TAS2R1: variants seen among roughly 807,000 people sequenced by gnomAD.
TAS2R1 encodes the protein taste 2 receptor member 1.
For synonymous variants in TAS2R1, 141 were observed against 134.2 expected (o/e 1.05, Z -0.35); for missense variants, 370 against 353.4 (o/e 1.05, Z -0.38).
chr5:9,639,091 G>A (rs1740023281), intron 2 of TAS2R1, among the ~76,000 whole-genome samples: 1 of 152,142 alleles, frequency 6.6e-6, no homozygotes, highest in Non-Finnish European at 1.5e-5. Flanking sequence ...GCTTGCTTAT[G>A]CCTGCAGCAG....
chr5:9,785,070 C>T, the TAS2R1 span, among the ~76,000 whole-genome samples: 1 of 152,134 alleles, frequency 6.6e-6, no homozygotes, highest in African/African-American at 2.4e-5. Flanking sequence ...TTCATAAAGA[C>T]ATAGACATAT....
At chr5:9,864,947 G>A in the TAS2R1 span, among the ~76,000 whole-genome samples, 4 of 152,140 alleles carry the variant, frequency 2.6e-5, no homozygotes, top group African/African-American at 9.7e-5. Flanking sequence ...ACCAGCAAGT[G>A]GTGGTGACTC....
chr5:9,776,262 T>C, the TAS2R1 span, among the ~76,000 whole-genome samples: 1 of 152,218 alleles, frequency 6.6e-6, no homozygotes, highest in East Asian at 1.9e-4. Context: ...GTCACTGCAC[T>C]CTCCCTCCCC....
intron 1 of TAS2R1, among the ~76,000 whole-genome samples, chr5:9,687,959 G>A (rs186714982): frequency 5.0e-4 from 76 of 152,288 alleles, no homozygotes; most frequent in African/African-American, 1.6e-3. Context: ...AAATAAATGT[G>A]CCTGCCTTTT....
At chr5:9,631,440 C>T (rs1739871843), upstream of TAS2R1, among the ~76,000 whole-genome samples, 1 of 152,122 alleles carries the variant, frequency 6.6e-6, no homozygotes, top group Non-Finnish European at 1.5e-5. Context: ...TGGAGTCTTG[C>T]TACATAGCCC....
chr5:9,759,942 A>T, the TAS2R1 span, among the ~76,000 whole-genome samples: 1 of 152,176 alleles, frequency 6.6e-6, no homozygotes, highest in African/African-American at 2.4e-5. Context: ...ATATAAATAA[A>T]CTTGGTAAAT....
the TAS2R1 span, chr5:9,902,677 C>G: frequency 6.6e-6 from 1 of 152,022 alleles, no homozygotes; most frequent in Non-Finnish European, 1.5e-5. Flanking sequence ...TGAGCAGAAG[C>G]CTCTTTGGAA....
the TAS2R1 span, among the ~76,000 whole-genome samples, chr5:9,823,214 C>T: frequency 4.4e-3 from 674 of 152,092 alleles, 3 homozygotes; most frequent in South Asian, 9.1e-3. Context: ...GTGTAAAATG[C>T]TATATTTTGG....
chr5:9,770,591 G>C, the TAS2R1 span, among the ~76,000 whole-genome samples: 1 of 151,878 alleles, frequency 6.6e-6, no homozygotes, highest in African/African-American at 2.4e-5. Flanking sequence ...TCAATTTCTT[G>C]CATCAATTAT....
the TAS2R1 span, among the ~76,000 whole-genome samples, chr5:9,894,236 C>T: frequency 6.6e-6 from 1 of 152,170 alleles, no homozygotes; most frequent in African/African-American, 2.4e-5. Flanking sequence ...AACCCCGTCT[C>T]TACTAAAAAT....
chr5:9,840,880 T>G, the TAS2R1 span, among the ~76,000 whole-genome samples: 1 of 83,490 alleles, frequency 1.2e-5, no homozygotes, highest in Non-Finnish European at 2.6e-5. Context: ...TTTTTTTTTT[T>G]TTTTTTTTTT....
chr5:9,717,668 T>C, the TAS2R1 span, among the ~76,000 whole-genome samples: 1 of 147,002 alleles, frequency 6.8e-6, no homozygotes, highest in African/African-American at 2.5e-5. Flanking sequence ...AAAGAAACAA[T>C]AAAATGTCAA....
chr5:9,726,096 C>T, the TAS2R1 span, among the ~76,000 whole-genome samples: 1 of 151,972 alleles, frequency 6.6e-6, no homozygotes, highest in Non-Finnish European at 1.5e-5. Flanking sequence ...CTTGGAGAAC[C>T]TTTATGTCTA....
the TAS2R1 span, among the ~76,000 whole-genome samples, chr5:9,857,869 C>A: frequency 6.6e-6 from 1 of 152,166 alleles, no homozygotes; most frequent in Non-Finnish European, 1.5e-5. Context: ...GGTTCATGAG[C>A]AGGCTTGCTG....
intron 2 of TAS2R1, among the ~76,000 whole-genome samples, chr5:9,654,950 T>C (rs1350125043): frequency 1.3e-5 from 2 of 152,304 alleles, no homozygotes; most frequent in Middle Eastern, 3.4e-3. Context: ...AAGACTGTTA[T>C]AAAAATGCTC....
the TAS2R1 span, among the ~76,000 whole-genome samples, chr5:9,832,849 T>A: frequency 6.6e-6 from 1 of 152,238 alleles, no homozygotes; most frequent in Non-Finnish European, 1.5e-5. Context: ...TTTGCCAAGT[T>A]TAAGGATGTA....
chr5:9,866,224 G>A, the TAS2R1 span, among the ~76,000 whole-genome samples: 1 of 151,978 alleles, frequency 6.6e-6, no homozygotes, highest in Non-Finnish European at 1.5e-5. Context: ...TTCCATTATA[G>A]GATTTCCATT....
the TAS2R1 span, among the ~76,000 whole-genome samples, chr5:9,861,646 C>T: frequency 6.6e-6 from 1 of 152,136 alleles, no homozygotes; most frequent in Non-Finnish European, 1.5e-5. Flanking sequence ...GTAGAGGGTG[C>T]TTGTTCTAAG....
chr5:9,741,297 T>G, the TAS2R1 span, among the ~76,000 whole-genome samples: 2 of 151,996 alleles, frequency 1.3e-5, no homozygotes, highest in Non-Finnish European at 2.9e-5. Flanking sequence ...GAGACAGAGA[T>G]CCAAAGAAAT....
Sources: gnomAD v4.1 joint callset for allele counts (sites outside exome capture counted in the v4.1 genomes callset) on GRCh38, gnomAD v4.1.1 for gene constraint, MANE v1.5 for transcripts, NCBI Gene and HGNC (gene_info 2026-07-23, HGNC 2026-07-21) for gene names.